The following KL variants were observed in gnomAD, a reference collection of about 807,000 sequenced individuals.
The protein encoded by KL is alpha-klotho.
In KL, 62 loss-of-function variants were observed where a neutral mutation model predicts 84.2. That is an observed-to-expected ratio of 0.74 (90% CI 0.60 to 0.91). KL has a LOEUF of 0.91. KL is among the 40% of genes least tolerant of loss of function. KL has a pLI of 0.00. For synonymous variants in KL, 528 were observed against 528.0 expected (o/e 1.00, Z 0.00); for missense variants, 1,261 against 1,305.7 (o/e 0.97, Z 0.53).
intron 1 of KL, among the ~76,000 whole-genome samples, chr13:33,047,885 C>CTTA (rs1871595369): frequency 6.6e-6 from 1 of 151,758 alleles, no homozygotes; most frequent in African/African-American, 2.4e-5. Flanking sequence ...ATTATTTATT[C>CTTA]TTATTATTAT....
At chr13:33,030,995 G>T (rs1278376706) in intron 1 of KL, among the ~76,000 whole-genome samples, 2 of 152,162 alleles carry the variant, frequency 1.3e-5, no homozygotes, top group Non-Finnish European at 2.9e-5. Flanking sequence ...CAGACTAATA[G>T]AAGTTCTGGA....
In KL at chr13:33,061,222, A is replaced by G. The variant is rs1401445654; in HGVS notation, c.2143A>G (p.Asn715Asp). 1.9e-6 allele frequency: 3 copies of G among 1,614,252 alleles called. No individual in the cohort carries two copies. In the South Asian group the frequency reaches 3.3e-5, roughly 18 times the overall value. Residue 715 changes from asparagine to aspartate, a missense_variant, in exon 4 of 5, where the codon AAT becomes GAT. Physicochemically the swap from Asn to Asp is conservative, Grantham distance 23 (BLOSUM62 1). Coordinates refer to ENST00000380099, the MANE Select transcript of KL (RefSeq NM_004795.4). ...KAHALAWHVYNEKFRHAQNGK... is the reference protein window; with the variant it reads ...KAHALAWHVYDEKFRHAQNGK... ...CCATGCCCTGGCTTGGCATGTGTAC[A>G]ATGAAAAGTTTAGGCATGCTCAGAA...
At chr13:33,052,127 T>C (rs75014805) in intron 1 of KL, among the ~76,000 whole-genome samples, 3,445 of 152,228 alleles carry the variant, frequency 0.023, 154 homozygotes, top group African/African-American at 0.079. Context: ...TGGTTAAGTT[T>C]TGGATTTTTT....
intron 1 of KL, among the ~76,000 whole-genome samples, chr13:33,023,891 A>C (rs1346636531): frequency 6.6e-6 from 1 of 152,226 alleles, no homozygotes; most frequent in African/African-American, 2.4e-5. Flanking sequence ...GGAATTTGGA[A>C]AATCCCAGGT....
intron 1 of KL, among the ~76,000 whole-genome samples, chr13:33,039,170 A>G (rs558500606): frequency 1.3e-5 from 2 of 152,332 alleles, no homozygotes; most frequent in East Asian, 3.9e-4. Context: ...ATATTTGTCC[A>G]TGGTGATCAT....
chr13:33,030,003 T>C (rs1480007707), intron 1 of KL, among the ~76,000 whole-genome samples: 1 of 151,896 alleles, frequency 6.6e-6, no homozygotes. Context: ...AGGGCAAGTC[T>C]CTGGCATCTG....
In KL at chr13:33,061,111, G is replaced by A. The variant is rs1355641530; in HGVS notation, c.2032G>A (p.Gly678Ser). The A allele has an allele frequency of 5.6e-6, 9 of 1,613,926 alleles. No homozygotes were observed. The African/African-American group carries it at 8.0e-5, about 14-fold the overall frequency. Residue 678 changes from glycine (G) to serine (S), a missense_variant, in exon 4 of 5, where the codon GGC (glycine) becomes AGC (serine). Gly to Ser is a moderately conservative substitution (Grantham distance 56). Coordinates refer to ENST00000380099, the MANE Select transcript of KL (RefSeq NM_004795.4). ...EYARLCFQEL[G>S]HHVKLWITMN... is the part of the protein sequence containing the mutation. ...TGCCCGACTGTGCTTTCAAGAGCTC[G>A]GCCATCACGTCAAGCTTTGGATAAC...
intron 1 of KL, among the ~76,000 whole-genome samples, chr13:33,036,094 T>G (rs1871139090): frequency 6.6e-6 from 1 of 152,210 alleles, no homozygotes; most frequent in African/African-American, 2.4e-5. Flanking sequence ...TGCCTGGTTG[T>G]TACAGTGTAC....
chr13:33,047,751 A>G (rs1394622755), intron 1 of KL, among the ~76,000 whole-genome samples: 1 of 151,998 alleles, frequency 6.6e-6, no homozygotes, highest in Non-Finnish European at 1.5e-5. Flanking sequence ...TTTTTGTTCC[A>G]TGTGTTTTTT....
chr13:33,016,724 A>C lies in KL; in HGVS notation c.284A>C (p.His95Pro), dbSNP rs1321199206. The C allele has an allele frequency of 6.2e-7, 1 of 1,610,880 alleles. No homozygotes were observed. Among genetic ancestry groups the C allele is most frequent in the Non-Finnish European group, 8.5e-7 (1 of 1,179,096 alleles). ...KGASIWDTFT[H>P]HPLAPPGDSR... ...GCGTCCATCTGGGATACGTTCACCCACCACCCCCTGGCACCCCCGGGAGAC... is the reference window on the plus strand; with the variant it reads ...GCGTCCATCTGGGATACGTTCACCCCCCACCCCCTGGCACCCCCGGGAGAC... The change falls in exon 1 of 5, where the codon CAC becomes CCC. Residue 95 changes from histidine to proline, a missense_variant. By Grantham distance (77) the His-to-Pro change is moderately conservative. Coordinates refer to ENST00000380099, the MANE Select transcript of KL (RefSeq NM_004795.4).
In KL at chr13:33,064,665, A is replaced by T. The variant is rs1313918940; in HGVS notation, c.*479A>T. ...TCCCCTCTGTCAAATCTAGTTTCCT[A>T]TGGAAAAGAAGATGGCAGATACAGG... On this transcript the variant is annotated 3_prime_UTR_variant, in exon 5 of 5. Transcript: ENST00000380099. The T allele has an allele frequency of 1.3e-5, 3 of 235,852 alleles. No homozygotes were observed. The highest frequency in any genetic ancestry group is 2.5e-5 in the Non-Finnish European group (3 of 119,972). 14.6% of individuals were successfully genotyped at this position (235,852 alleles called of 1,614,324 possible).
chr13:33,066,059 T>C lies in KL; in HGVS notation c.*1873T>C, dbSNP rs1432292506. 1.1e-5 allele frequency: 2 copies of C among 174,756 alleles called. No individual in the cohort carries two copies. The highest frequency in any genetic ancestry group is 2.4e-5 in the African/African-American group (1 of 42,190). 10.8% of individuals were successfully genotyped at this position (174,756 alleles called of 1,614,324 possible). ...CTACATTTACTTTAATTTCCTTGAC[T>C]GTAAAGAGAAGTAATTTTGCTCCTT... On this transcript the variant is annotated 3_prime_UTR_variant, in exon 5 of 5. Coordinates refer to ENST00000380099, the MANE Select transcript of KL (RefSeq NM_004795.4).
Position 33,054,268 on chromosome 13 carries a change from A to T in KL, c.1321A>T (p.Thr441Ser), listed in dbSNP as rs1871870685. The change falls in exon 2 of 5, where the codon ACC becomes TCC. Residue 441 changes from threonine (T) to serine (S), a missense_variant. Coordinates refer to ENST00000380099, the MANE Select transcript of KL (RefSeq NM_004795.4). ...TTACCTCAAAAAGTTCATCATGGAAACCTTAAAAGGTATGATTGTGGGTAA... is the reference window on the plus strand; with the variant it reads ...TTACCTCAAAAAGTTCATCATGGAATCCTTAAAAGGTATGATTGTGGGTAA... ...MYYLKKFIME[T>S]LKAIKLDGVD... 6.2e-7 allele frequency: 1 copy of T among 1,613,406 alleles called. No homozygotes were observed. Among genetic ancestry groups the T allele is most frequent in the African/African-American group, 1.3e-5 (1 of 74,864 alleles).
chr13:33,018,595 G>A (rs909758847), intron 1 of KL, among the ~76,000 whole-genome samples: 4 of 152,104 alleles, frequency 2.6e-5, no homozygotes, highest in African/African-American at 9.7e-5. Flanking sequence ...GTTTTAGAGC[G>A]GTGATTCTTA....
intron 1 of KL, among the ~76,000 whole-genome samples, chr13:33,043,634 G>A (rs1871419471): frequency 1.3e-5 from 2 of 152,154 alleles, no homozygotes; most frequent in African/African-American, 4.8e-5. Context: ...TGTTTACTGA[G>A]CATTGGTGAA....
intron 1 of KL, among the ~76,000 whole-genome samples, chr13:33,047,356 C>T (rs1390861564): frequency 7.2e-6 from 1 of 139,228 alleles, no homozygotes; most frequent in Non-Finnish European, 1.6e-5. Flanking sequence ...AATCTACTTT[C>T]TTTTTTTTTT....
intron 1 of KL, among the ~76,000 whole-genome samples, chr13:33,023,782 G>C (rs1200786666): frequency 3.9e-5 from 6 of 152,186 alleles, no homozygotes; most frequent in Non-Finnish European, 5.9e-5. Flanking sequence ...CAAACTGAAA[G>C]CAGTGATGTA....
chr13:33,030,458 T>C (rs1325036429), intron 1 of KL, among the ~76,000 whole-genome samples: 1 of 152,216 alleles, frequency 6.6e-6, no homozygotes, highest in Non-Finnish European at 1.5e-5. Context: ...CTTTTAAAGT[T>C]GAGAAAATTT....
In KL at chr13:33,053,944, A is replaced by G. The variant is rs1324036615; in HGVS notation, c.997A>G (p.Ile333Val). 1.2e-6 allele frequency: 2 copies of G among 1,614,170 alleles called. No individual in the cohort carries two copies. Among genetic ancestry groups the G allele is most frequent in the East Asian group, 4.5e-5 (2 of 44,884 alleles). The change falls in exon 2 of 5, where the codon ATT (isoleucine) becomes GTT (valine). Residue 333 changes from isoleucine to valine, a missense_variant. Ile to Val is a conservative substitution (Grantham distance 29). Transcript: ENST00000380099. ...AGGTTGGTTTGCCAAACCCGTATTT[A>G]TTGATGGTGACTATCCCGAGAGCAT... The part of the protein sequence containing the change: ...VLGWFAKPVF[I>V]DGDYPESMKN...
Sources: allele counts gnomAD v4.1 joint callset (sites outside exome capture counted in the v4.1 genomes callset), GRCh38; gene constraint gnomAD v4.1.1; transcripts MANE v1.5; gene names NCBI Gene and HGNC (gene_info 2026-07-23, HGNC 2026-07-21).